The following MDGA2 variants were observed in gnomAD, a reference collection of about 807,000 sequenced individuals.
MDGA2 encodes the protein MAM domain containing glycosylphosphatidylinositol anchor 2, also known as MAM domain-containing glycosylphosphatidylinositol anchor protein 2.
A neutral mutation model predicts 117.8 loss-of-function variants in MDGA2; 40 were observed. The ratio of observed to expected loss-of-function variants is 0.34; its 90% CI spans 0.26 to 0.44. MDGA2 has a LOEUF of 0.44. Ranked by LOEUF, MDGA2 falls within the 20% of genes least tolerant of loss-of-function variation. MDGA2 has a pLI of 1.00. For synonymous variants in MDGA2, 452 were observed against 439.0 expected, an observed-to-expected ratio of 1.03 and a Z score of -0.37; for missense variants, 1,123 against 1,250.6, an observed-to-expected ratio of 0.90 and a Z score of 1.54.
chr14:47,125,873 A>C (rs1319534376), intron 5 of MDGA2, among the ~76,000 whole-genome samples: 3 of 152,066 alleles, frequency 2.0e-5, no homozygotes, highest in Non-Finnish European at 2.9e-5. Context: ...ATCCTAATAT[A>C]GGTAACCTAC....
intron 1 of MDGA2, among the ~76,000 whole-genome samples, chr14:47,544,065 C>G (rs1383162988): frequency 6.6e-6 from 1 of 152,042 alleles, no homozygotes; most frequent in Non-Finnish European, 1.5e-5. Context: ...TTATAAAGTT[C>G]TAATACTAAA....
At chr14:46,845,466 A>G (rs1880797757) in intron 16 of MDGA2, among the ~76,000 whole-genome samples, 1 of 152,218 alleles carries the variant, frequency 6.6e-6, no homozygotes, top group Non-Finnish European at 1.5e-5. Flanking sequence ...AAGTTTTTAA[A>G]TCTTCTAAAA....
intron 9 of MDGA2, among the ~76,000 whole-genome samples, chr14:46,940,231 AACT>A (rs1474470098): frequency 6.6e-6 from 1 of 152,230 alleles, no homozygotes; most frequent in African/African-American, 2.4e-5. Context: ...CTAGAATAAG[AACT>A]ACAAGTACTT....
At chr14:46,902,090 T>A (rs570803092) in intron 10 of MDGA2, among the ~76,000 whole-genome samples, 5 of 152,320 alleles carry the variant, frequency 3.3e-5, no homozygotes, top group African/African-American at 1.2e-4. Flanking sequence ...ATTTTCCCCT[T>A]GTTTTACAAG....
chr14:47,554,163 T>G (rs1418789291), intron 1 of MDGA2, among the ~76,000 whole-genome samples: 2 of 152,228 alleles, frequency 1.3e-5, no homozygotes, highest in Non-Finnish European at 2.9e-5. Context: ...ATTTGGGCTG[T>G]GTTCCTTTCT....
intron 1 of MDGA2, among the ~76,000 whole-genome samples, chr14:47,361,213 A>C (rs201762358): frequency 0.051 from 6,849 of 134,088 alleles, 227 homozygotes; most frequent in African/African-American, 0.092. Context: ...CTCTCTATAT[A>C]TATATATATA....
intron 1 of MDGA2, among the ~76,000 whole-genome samples, chr14:47,619,861 G>T (rs1050997940): frequency 6.6e-6 from 1 of 152,128 alleles, no homozygotes; most frequent in African/African-American, 2.4e-5. Flanking sequence ...TTATTACTTA[G>T]ATATCCAGGG....
intron 3 of MDGA2, among the ~76,000 whole-genome samples, chr14:47,192,241 G>T (rs1386197353): frequency 6.6e-6 from 1 of 152,156 alleles, no homozygotes; most frequent in South Asian, 2.1e-4. Flanking sequence ...GCTCATGCCT[G>T]TAAGCCCAGA....
At chr14:47,429,733 AC>A (rs1892761689) in intron 1 of MDGA2, among the ~76,000 whole-genome samples, 2 of 151,960 alleles carry the variant, frequency 1.3e-5, no homozygotes, top group South Asian at 4.2e-4. Flanking sequence ...AGTCCGAGGC[AC>A]CATTTTCAGT....
At chr14:47,464,140 CACACAG>C (rs1893549826) in intron 1 of MDGA2, among the ~76,000 whole-genome samples, 2 of 141,064 alleles carry the variant, frequency 1.4e-5, no homozygotes, top group Non-Finnish European at 1.6e-5. Flanking sequence ...CACACACACA[CACACAG>C]AGCCTCTGTT....
intron 9 of MDGA2, among the ~76,000 whole-genome samples, chr14:46,928,518 A>C (rs1251848668): frequency 6.6e-6 from 1 of 150,984 alleles, no homozygotes; most frequent in Non-Finnish European, 1.5e-5. Flanking sequence ...ACTTCACACC[A>C]ACAAAAGCTT....
At chr14:47,665,601 G>A (rs1203330460) in intron 1 of MDGA2, among the ~76,000 whole-genome samples, 2 of 152,180 alleles carry the variant, frequency 1.3e-5, no homozygotes, top group African/African-American at 4.8e-5. Context: ...GGTGGGCGTG[G>A]GCTTGGCGGC....
intron 1 of MDGA2, among the ~76,000 whole-genome samples, chr14:47,408,213 G>T (rs540666727): frequency 6.6e-6 from 1 of 152,118 alleles, no homozygotes; most frequent in African/African-American, 2.4e-5. Flanking sequence ...GCGCCACCAT[G>T]CCCAGCTAAT....
chr14:47,666,728 G>A (rs1897978176), intron 1 of MDGA2, among the ~76,000 whole-genome samples: 1 of 152,106 alleles, frequency 6.6e-6, no homozygotes, highest in South Asian at 2.1e-4. Context: ...TCCACACTGT[G>A]GAAGCTTTGT....
chr14:47,011,982 C>T (rs146560953), intron 8 of MDGA2, among the ~76,000 whole-genome samples: 1 of 89,296 alleles, frequency 1.1e-5, no homozygotes, highest in Admixed American at 1.3e-4. Context: ...CTATTGTCAT[C>T]AGCACCTTCC....
At chr14:47,674,175 C>T (rs1898129910) in intron 1 of MDGA2, among the ~76,000 whole-genome samples, 1 of 152,050 alleles carries the variant, frequency 6.6e-6, no homozygotes. Context: ...ACCGTGACAC[C>T]GACACCGTGG....
At chr14:46,930,567 C>T (rs950573736) in intron 9 of MDGA2, among the ~76,000 whole-genome samples, 1 of 151,970 alleles carries the variant, frequency 6.6e-6, no homozygotes, top group African/African-American at 2.4e-5. Flanking sequence ...TATATAAGAC[C>T]GGTTTAATGA....
At chr14:47,462,325 C>A (rs1261985802) in intron 1 of MDGA2, among the ~76,000 whole-genome samples, 2 of 142,338 alleles carry the variant, frequency 1.4e-5, no homozygotes, top group Non-Finnish European at 3.0e-5. Flanking sequence ...GCAGTGAGCC[C>A]AGATCGTGCC....
At chr14:47,558,814 A>T (rs887444617) in intron 1 of MDGA2, among the ~76,000 whole-genome samples, 4 of 152,204 alleles carry the variant, frequency 2.6e-5, no homozygotes, top group Non-Finnish European at 4.4e-5. Context: ...ATGAGAAATG[A>T]TTATTTTTAA....
Sources: allele counts gnomAD v4.1 joint callset (sites outside exome capture counted in the v4.1 genomes callset), GRCh38; gene constraint gnomAD v4.1.1; transcripts MANE v1.5; gene names NCBI Gene and HGNC (gene_info 2026-07-23, HGNC 2026-07-21).